Variants in CDKAL1 observed in about 807,000 individuals in gnomAD.
CDKAL1 encodes the protein threonylcarbamoyladenosine tRNA methylthiotransferase.
Under a neutral mutation model 68.2 loss-of-function variants are expected in CDKAL1, and 32 were observed. The observed-to-expected ratio is 0.47, with a 90% CI of 0.35 to 0.63. The LOEUF (loss-of-function observed/expected upper bound fraction) is 0.63, where lower values mean the gene tolerates loss of function less well. Among genes scored for constraint, CDKAL1 ranks in the 30% least tolerant of loss-of-function variants. The pLI is 0.00. For missense variants in CDKAL1, 606 were observed against 696.7 expected (o/e 0.87, Z 1.47); for synonymous variants, 234 against 244.3 (o/e 0.96, Z 0.39).
chr6:21,153,063 G>C (rs1240831907), intron 13 of CDKAL1, among the ~76,000 whole-genome samples: 2 of 151,982 alleles, frequency 1.3e-5, no homozygotes, highest in Admixed American at 6.5e-5. Context: ...TCAGAAGTAG[G>C]TGATGTTTTG....
intron 4 of CDKAL1, 135 bp downstream of exon 4, chr6:20,548,840 T>G (rs1427660106): frequency 3.8e-6 from 2 of 529,230 alleles, no homozygotes; most frequent in Non-Finnish European, 6.7e-6. Context: ...TTACACATTT[T>G]GTAGATAACC....
chr6:20,951,610 T>G (rs1489951810), intron 9 of CDKAL1, among the ~76,000 whole-genome samples: 1 of 152,192 alleles, frequency 6.6e-6, no homozygotes, highest in Non-Finnish European at 1.5e-5. Context: ...CTTAAGGCTT[T>G]TTTCCTGTAC....
chr6:20,861,188 C>T (rs1301935820), intron 9 of CDKAL1, among the ~76,000 whole-genome samples: 1 of 152,016 alleles, frequency 6.6e-6, no homozygotes, highest in Non-Finnish European at 1.5e-5. Flanking sequence ...TCCCAAAGTC[C>T]CAAACCAGAA....
At chr6:21,031,467 C>T (rs1443956840) in intron 11 of CDKAL1, among the ~76,000 whole-genome samples, 1 of 151,932 alleles carries the variant, frequency 6.6e-6, no homozygotes. Flanking sequence ...TTCACAGCAA[C>T]ACCTACATTC....
chr6:21,129,056 A>G (rs1203855724), intron 13 of CDKAL1, among the ~76,000 whole-genome samples: 1 of 152,218 alleles, frequency 6.6e-6, no homozygotes, highest in Non-Finnish European at 1.5e-5. Context: ...TAAAAACAAT[A>G]GTACCTCCCC....
intron 8 of CDKAL1, among the ~76,000 whole-genome samples, chr6:20,797,464 TATC>T (rs921529891): frequency 1.1e-4 from 17 of 152,338 alleles, no homozygotes; most frequent in Admixed American, 1.1e-3. Context: ...AACATGTACT[TATC>T]ATATGACGAA....
intron 9 of CDKAL1, among the ~76,000 whole-genome samples, chr6:20,896,119 TGAG>T (rs1761678138): frequency 2.2e-5 from 3 of 136,438 alleles, no homozygotes; most frequent in Admixed American, 7.6e-5. Context: ...TTTTTTTTTT[TGAG>T]ATGGAGTCTT....
At chr6:21,053,489 G>T (rs567355774) in intron 11 of CDKAL1, among the ~76,000 whole-genome samples, 1 of 152,216 alleles carries the variant, frequency 6.6e-6, no homozygotes, top group South Asian at 2.1e-4. Flanking sequence ...GACACCTAGA[G>T]TAGAATTGCT....
At chr6:20,759,308 G>C (rs1273648823) in intron 7 of CDKAL1, among the ~76,000 whole-genome samples, 1 of 152,150 alleles carries the variant, frequency 6.6e-6, no homozygotes, top group Non-Finnish European at 1.5e-5. Context: ...TTGGGAGACT[G>C]AGGTAGTTGG....
At chr6:20,775,403 G>A (rs543260618) in intron 7 of CDKAL1, among the ~76,000 whole-genome samples, 1 of 152,300 alleles carries the variant, frequency 6.6e-6, no homozygotes, top group African/African-American at 2.4e-5. Flanking sequence ...CCAGTGCTCA[G>A]TGAGCAGCCA....
At chr6:21,029,841 G>A (rs1392179375) in intron 11 of CDKAL1, among the ~76,000 whole-genome samples, 7 of 152,138 alleles carry the variant, frequency 4.6e-5, no homozygotes, top group African/African-American at 7.2e-5. Context: ...AGATGCTGGC[G>A]ATGCTGTGGA....
chr6:21,155,557 CTT>C (rs1261733257), intron 13 of CDKAL1, among the ~76,000 whole-genome samples: 2 of 152,184 alleles, frequency 1.3e-5, no homozygotes, highest in Admixed American at 6.5e-5. Context: ...CATTTTCTGT[CTT>C]GAGACGGTGA....
intron 4 of CDKAL1, among the ~76,000 whole-genome samples, chr6:20,641,269 A>G (rs969886309): frequency 1.3e-5 from 2 of 152,316 alleles, no homozygotes; most frequent in South Asian, 2.1e-4. Context: ...AAACTTAAAA[A>G]CATTTAAAAA....
chr6:21,002,849 C>T (rs1323559452), intron 11 of CDKAL1, among the ~76,000 whole-genome samples: 2 of 151,804 alleles, frequency 1.3e-5, no homozygotes, highest in African/African-American at 2.4e-5. Context: ...ATTAGCTGAT[C>T]GTGTTGGCTC....
chr6:20,684,470 A>G (rs748549491), intron 5 of CDKAL1, among the ~76,000 whole-genome samples: 1 of 152,212 alleles, frequency 6.6e-6, no homozygotes, highest in Non-Finnish European at 1.5e-5. Context: ...TAAAGCTGCT[A>G]TAAACATTGT....
chr6:20,698,634 T>C (rs1334572410), intron 5 of CDKAL1, among the ~76,000 whole-genome samples: 4 of 152,160 alleles, frequency 2.6e-5, no homozygotes, highest in African/African-American at 9.7e-5. Flanking sequence ...TTATGGACTT[T>C]TGGGGGAAGG....
Position 20,905,132 on chromosome 6 carries a change from T to A in CDKAL1, c.743-50287T>A, listed in dbSNP as rs539119720. Among the ~76,000 whole-genome samples, 3 of 152,274 alleles carry A rather than the reference T, an allele frequency of 2.0e-5. No homozygotes were observed. The East Asian group carries it at 5.8e-4, about 29-fold the overall frequency. The stretch of plus-strand genomic sequence containing the variant: ...CCTGATAAAAATCTGATGGCCTATA[T>A]TTTAGACAAAGACTTTAAGATAACT... On this transcript the variant is annotated intron_variant, in intron 9 of 15. Coordinates refer to ENST00000274695, the MANE Select transcript of CDKAL1 (RefSeq NM_017774.3).
At chr6:20,665,328 AG>A (rs1374454039) in intron 5 of CDKAL1, among the ~76,000 whole-genome samples, 1 of 142,102 alleles carries the variant, frequency 7.0e-6, no homozygotes, top group Non-Finnish European at 1.5e-5. Flanking sequence ...GATTAATATA[AG>A]GAAAAAAAGA....
intron 5 of CDKAL1, among the ~76,000 whole-genome samples, chr6:20,733,077 T>TG (rs1279040123): frequency 1.3e-5 from 2 of 152,178 alleles, no homozygotes; most frequent in Non-Finnish European, 2.9e-5. Context: ...CCAGTGCCCC[T>TG]GACCTTCTCC....
Sources: gnomAD v4.1 joint callset for allele counts (sites outside exome capture counted in the v4.1 genomes callset) on GRCh38, gnomAD v4.1.1 for gene constraint, MANE v1.5 for transcripts, NCBI Gene and HGNC (gene_info 2026-07-23, HGNC 2026-07-21) for gene names.